Variants in PTPRT observed in about 807,000 individuals in gnomAD.
The protein encoded by PTPRT is receptor-type tyrosine-protein phosphatase T.
Under a neutral mutation model 176.8 loss-of-function variants are expected in PTPRT, and 56 were observed. The observed-to-expected ratio is 0.32, with a 90% confidence interval of 0.26 to 0.40. The LOEUF (loss-of-function observed/expected upper bound fraction) is 0.40, where lower values mean the gene tolerates loss of function less well. PTPRT is among the 10% of genes least tolerant of loss of function. The pLI, the probability that PTPRT is intolerant of heterozygous loss-of-function variation, is 1.00. For missense variants in PTPRT, 1,540 were observed against 1,908.2 expected, an observed-to-expected ratio of 0.81 and a Z score of 3.60; for synonymous variants, 783 against 739.0, an observed-to-expected ratio of 1.06 and a Z score of -0.96.
intron 15 of PTPRT, among the ~76,000 whole-genome samples, chr20:42,222,366 G>T (rs140303856): frequency 1.3e-5 from 2 of 152,178 alleles, no homozygotes; most frequent in Admixed American, 1.3e-4. Flanking sequence ...CACTCTGCCT[G>T]GTTTATAACT....
At chr20:42,616,179 A>G (rs1254288946) in intron 7 of PTPRT, among the ~76,000 whole-genome samples, 2 of 124,278 alleles carry the variant, frequency 1.6e-5, no homozygotes, top group Non-Finnish European at 3.3e-5. Context: ...TCCCAGCACC[A>G]TTTATTAAAT....
chr20:42,367,088 A>G (rs2058524780), intron 9 of PTPRT, among the ~76,000 whole-genome samples: 2 of 152,258 alleles, frequency 1.3e-5, no homozygotes, highest in Non-Finnish European at 1.5e-5. Context: ...GGAGAATAAA[A>G]GGAAATACTT....
chr20:42,585,903 GAC>G (rs986673093), intron 7 of PTPRT, among the ~76,000 whole-genome samples: 1 of 151,902 alleles, frequency 6.6e-6, no homozygotes, highest in African/African-American at 2.4e-5. Flanking sequence ...GTAACATATT[GAC>G]ATATATATAT....
intron 1 of PTPRT, among the ~76,000 whole-genome samples, chr20:43,053,659 T>C (rs1231081200): frequency 1.3e-5 from 2 of 152,168 alleles, no homozygotes; most frequent in Non-Finnish European, 2.9e-5. Context: ...GAAATACTGC[T>C]CTGTCTTCCA....
intron 6 of PTPRT, among the ~76,000 whole-genome samples, chr20:42,716,074 A>G (rs2076218300): frequency 6.6e-6 from 1 of 151,096 alleles, no homozygotes; most frequent in Non-Finnish European, 1.5e-5. Context: ...AGAATCTTCC[A>G]CTCTTGGTGG....
At chr20:43,044,336 G>T (rs1428521916) in intron 1 of PTPRT, among the ~76,000 whole-genome samples, 1 of 152,090 alleles carries the variant, frequency 6.6e-6, no homozygotes, top group African/African-American at 2.4e-5. Context: ...GGCTGGTGGT[G>T]ATAGTGTCCG....
intron 1 of PTPRT, among the ~76,000 whole-genome samples, chr20:42,998,830 G>C (rs1984369556): frequency 6.6e-6 from 1 of 152,170 alleles, no homozygotes; most frequent in South Asian, 2.1e-4. Context: ...ACTGTCATAT[G>C]GTTGGAATGA....
chr20:42,817,599 A>C (rs1201722971), intron 2 of PTPRT, among the ~76,000 whole-genome samples: 1 of 152,206 alleles, frequency 6.6e-6, no homozygotes, highest in Non-Finnish European at 1.5e-5. Flanking sequence ...GGTGAGAAAA[A>C]CAATCTCTAA....
intron 6 of PTPRT, among the ~76,000 whole-genome samples, chr20:42,707,560 T>C (rs1264188582): frequency 6.6e-6 from 1 of 152,162 alleles, no homozygotes; most frequent in Non-Finnish European, 1.5e-5. Flanking sequence ...AGAATGTGTG[T>C]GGCCTCTAGG....
At chr20:42,844,906 C>T (rs796457254) in intron 2 of PTPRT, among the ~76,000 whole-genome samples, 1 of 152,310 alleles carries the variant, frequency 6.6e-6, no homozygotes, top group African/African-American at 2.4e-5. Flanking sequence ...ATCCCACCCA[C>T]CTGTTCAGGT....
At chr20:42,289,805 C>G (rs755283598) in intron 12 of PTPRT, among the ~76,000 whole-genome samples, 1 of 152,040 alleles carries the variant, frequency 6.6e-6, no homozygotes, top group Non-Finnish European at 1.5e-5. Context: ...TAAAATCACC[C>G]CTTCAGCACC....
At chr20:42,066,789 T>G in the PTPRT span, among the ~76,000 whole-genome samples, 1 of 152,230 alleles carries the variant, frequency 6.6e-6, no homozygotes, top group East Asian at 1.9e-4. Context: ...TATGTATAAT[T>G]TCTATATTCA....
chr20:42,746,468 G>A (rs2076692413), intron 6 of PTPRT, among the ~76,000 whole-genome samples: 1 of 152,074 alleles, frequency 6.6e-6, no homozygotes, highest in Admixed American at 6.5e-5. Context: ...TCATAGCCAT[G>A]GCCTCTGACC....
intron 18 of PTPRT, among the ~76,000 whole-genome samples, chr20:42,131,056 A>C (rs1356474480): frequency 1.3e-5 from 2 of 152,194 alleles, no homozygotes; most frequent in Non-Finnish European, 2.9e-5. Context: ...TGTGGCAGAG[A>C]TAGGACTTCT....
chr20:42,054,911 G>A, the PTPRT span, among the ~76,000 whole-genome samples: 4 of 152,282 alleles, frequency 2.6e-5, no homozygotes, highest in Non-Finnish European at 4.4e-5. Flanking sequence ...TCCATGACCC[G>A]CCTCCTCTGA....
chr20:42,337,770 T>G (rs1356170095), intron 11 of PTPRT, among the ~76,000 whole-genome samples: 1 of 152,206 alleles, frequency 6.6e-6, no homozygotes, highest in Non-Finnish European at 1.5e-5. Context: ...ACTTTGAGAA[T>G]TACTGTCTTA....
At chr20:42,743,751 C>T (rs549247301) in intron 6 of PTPRT, among the ~76,000 whole-genome samples, 2 of 152,206 alleles carry the variant, frequency 1.3e-5, no homozygotes, top group Middle Eastern at 6.3e-3. Flanking sequence ...AACAATACAA[C>T]GTGAGCATAC....
At chr20:42,431,020 G>C (rs932669461) in intron 9 of PTPRT, among the ~76,000 whole-genome samples, 1 of 152,060 alleles carries the variant, frequency 6.6e-6, no homozygotes, top group Non-Finnish European at 1.5e-5. Context: ...TTTCATGTTC[G>C]TGTGTGCGGT....
intron 9 of PTPRT, among the ~76,000 whole-genome samples, chr20:42,380,876 TCA>T (rs1187804208): frequency 6.6e-6 from 1 of 152,208 alleles, no homozygotes; most frequent in Admixed American, 6.5e-5. Flanking sequence ...GTTTACTTGT[TCA>T]CAGTTCTGCA....
Sources: allele counts gnomAD v4.1 joint callset (sites outside exome capture counted in the v4.1 genomes callset), GRCh38; gene constraint gnomAD v4.1.1; transcripts MANE v1.5; gene names NCBI Gene and HGNC (gene_info 2026-07-23, HGNC 2026-07-21).